The following ELAVL1 variants were observed in gnomAD, a reference collection of about 807,000 sequenced individuals.
The protein encoded by ELAVL1 is ELAV-like protein 1.
In ELAVL1, 1 loss-of-function variant was observed where a neutral mutation model predicts 28.4. That is an observed-to-expected ratio of 0.04 (90% CI 0.01 to 0.17). The LOEUF is 0.17. Ranked by LOEUF, ELAVL1 falls within the 10% of genes least tolerant of loss-of-function variation. The probability of loss-of-function intolerance (pLI) is 1.00; values close to 1 mark genes in which losing one functional copy is unlikely to be tolerated. For missense variants in ELAVL1, 157 were observed against 447.2 expected, an observed-to-expected ratio of 0.35 and a Z score of 5.85; for synonymous variants, 174 against 183.5, an observed-to-expected ratio of 0.95 and a Z score of 0.42.
At chr19:7,994,578 G>A (rs531031954) in intron 1 of ELAVL1, among the ~76,000 whole-genome samples, 1 of 152,254 alleles carries the variant, frequency 6.6e-6, no homozygotes, top group South Asian at 2.1e-4. Context: ...CTTCATCTTC[G>A]TGAACAATGA....
In ELAVL1 at chr19:7,967,546, G is replaced by A. The variant is rs759812667; in HGVS notation, c.656+19C>T. 33 of 1,611,184 alleles carry A rather than the reference G, an allele frequency of 2.0e-5. No individual in the cohort carries two copies. The highest frequency in any genetic ancestry group is 2.7e-5 in the African/African-American group (2 of 74,864). On this transcript the variant is annotated intron_variant, in intron 5 of 5. Transcript: ENST00000407627. ...GGGGCTAAGTATGGCTTTCAGGAGC[G>A]CGCACCCTCCCGACCCACCTGAATC...
intron 5 of ELAVL1, among the ~76,000 whole-genome samples, chr19:7,965,800 T>C (rs538262899): frequency 8.5e-5 from 13 of 152,260 alleles, no homozygotes; most frequent in South Asian, 8.3e-4. Flanking sequence ...ACCGCCCATA[T>C]AGCCCGCCCC....
intron 2 of ELAVL1, among the ~76,000 whole-genome samples, chr19:7,990,808 AAGAGGAGGAAGAGGGGCCATTGGG>A (rs1242234588): frequency 1.3e-5 from 2 of 152,058 alleles, no homozygotes; most frequent in Non-Finnish European, 2.9e-5. Flanking sequence ...GGGTAGAGGG[AAGAGGAGGAAGAGGGGCCATTGGG>A]AGAGGAGGAG....
chr19:7,991,081 C>T (rs1568315466), intron 2 of ELAVL1, among the ~76,000 whole-genome samples: 1 of 152,216 alleles, frequency 6.6e-6, no homozygotes, highest in African/African-American at 2.4e-5. Context: ...AGCTGCCAGG[C>T]TCCTGCCCCT....
chr19:7,974,930 C>G (rs138369251), intron 3 of ELAVL1, among the ~76,000 whole-genome samples: 2 of 152,220 alleles, frequency 1.3e-5, no homozygotes, highest in Non-Finnish European at 2.9e-5. Flanking sequence ...GCTCATAGGG[C>G]AGTGGGCGGC....
rs1042563409 is a variant in ELAVL1, at chr19:7,981,828, C to T, written c.173-642G>A. 2.6e-5 allele frequency among the ~76,000 whole-genome samples: 4 copies of T among 151,378 alleles called. No homozygotes were observed. In the East Asian group the frequency reaches 5.8e-4, roughly 22 times the overall value. ...TGGGTGGTGAGGATGAGGAAGGCCA[C>T]GGCAGTGGACAGGCTGGTGGGACCC... On this transcript the variant is annotated intron_variant, in intron 2 of 5. Transcript: ENST00000407627. The surrounding 1 kb of genome is among the most constrained non-coding windows in gnomAD (Gnocchi z 4.2).
rs955631935 is a variant in ELAVL1, at chr19:7,963,252, T to C, written c.*231A>G. On this transcript the variant is annotated 3_prime_UTR_variant, in exon 6 of 6. Coordinates refer to ENST00000407627, the MANE Select transcript of ELAVL1 (RefSeq NM_001419.3). This position sits in a 1 kb window ranked among gnomAD's most constrained non-coding sequence, Gnocchi z 4.5. ...GTTCTACTTAGATTTCTGTTTAATA[T>C]ATATCTTAAAGGAAATAACTTACGA... The C allele has an allele frequency of 1.1e-5, 6 of 543,214 alleles. No individual in the cohort carries two copies. In the Admixed American group the frequency reaches 1.7e-4, roughly 16 times the overall value. The allele number at this position is 543,214 out of a possible 1,614,324, so 33.6% of individuals were successfully genotyped here.
At chr19:7,973,948 G>A (rs2145206826) in intron 3 of ELAVL1, 70 bp from the exon 4 acceptor site, 3 of 1,570,528 alleles carry the variant, frequency 1.9e-6, no homozygotes, top group Admixed American at 1.8e-5. Flanking sequence ...GGTGTTGAAT[G>A]CTGGGTTAGG....
intron 1 of ELAVL1, among the ~76,000 whole-genome samples, chr19:8,002,657 T>C (rs2081072190): frequency 6.6e-6 from 1 of 152,226 alleles, no homozygotes; most frequent in South Asian, 2.1e-4. Context: ...GAGGGAACAG[T>C]TGATTCCGGT....
intron 3 of ELAVL1, among the ~76,000 whole-genome samples, chr19:7,980,168 A>G (rs1985416556): frequency 6.6e-6 from 1 of 152,166 alleles, no homozygotes. Flanking sequence ...CTGGCCGGGA[A>G]GCCCTTACGT....
At chr19:7,999,128 T>C (rs919962900) in intron 1 of ELAVL1, among the ~76,000 whole-genome samples, 6 of 152,200 alleles carry the variant, frequency 3.9e-5, no homozygotes, top group East Asian at 1.9e-4. Flanking sequence ...ATCCCAGCAA[T>C]GTGGGAGGCC....
chr19:7,984,434 C>G (rs1985546934), intron 2 of ELAVL1, among the ~76,000 whole-genome samples: 1 of 152,232 alleles, frequency 6.6e-6, no homozygotes, highest in Admixed American at 6.5e-5. Context: ...GTCTCCGAGG[C>G]AGAGACAATG....
rs1411362457 is a variant in ELAVL1, at chr19:7,987,114, GC to G, written c.172+4529del. 3.4e-3 allele frequency among the ~76,000 whole-genome samples: 451 copies of G among 133,136 alleles called. 5 individuals carry two copies. The highest frequency in any genetic ancestry group is 5.2e-3 in the Non-Finnish European group (315 of 60,984). 87.3% of individuals were successfully genotyped at this position (133,136 alleles called of 152,430 possible). A position where few individuals can be genotyped will look rare whatever the true frequency, so the allele number is the denominator to read the frequency against. Reference sequence around the variant, plus strand: ...CAAGAGTAGAGCCTGACCGGGGGGTGCCGGGGGGGGGGGAGGGTGCAGCAAG... The same window carrying G: ...CAAGAGTAGAGCCTGACCGGGGGGTGCGGGGGGGGGGGAGGGTGCAGCAAG... On this transcript the variant is annotated intron_variant, in intron 2 of 5. Transcript: ENST00000407627.
chr19:8,002,852 AG>A (rs1384110448), intron 1 of ELAVL1, among the ~76,000 whole-genome samples: 2 of 152,100 alleles, frequency 1.3e-5, no homozygotes, highest in African/African-American at 4.8e-5. Flanking sequence ...TAGGGTGTGA[AG>A]GAACTGGCAC....
chr19:8,001,230 TCTC>T (rs1002904847), intron 1 of ELAVL1, among the ~76,000 whole-genome samples: 8 of 152,138 alleles, frequency 5.3e-5, no homozygotes, highest in African/African-American at 1.9e-4. Flanking sequence ...CTTCATCTCC[TCTC>T]CTCCTGTCCT....
intron 3 of ELAVL1, among the ~76,000 whole-genome samples, chr19:7,974,207 G>A (rs34939237): frequency 0.06 from 8,791 of 147,418 alleles, 269 homozygotes; most frequent in Non-Finnish European, 0.074. Context: ...CAGTGAGCCG[G>A]TGCCAGAGAG....
In ELAVL1 at chr19:7,961,800, G is replaced by C. The variant is rs1278416617; in HGVS notation, c.*1683C>G. 6.6e-6 allele frequency: 1 copy of C among 152,144 alleles called. No individual in the cohort carries two copies. Among genetic ancestry groups the C allele is most frequent in the Admixed American group, 6.5e-5 (1 of 15,272 alleles). The allele number at this position is 152,144 out of a possible 1,614,324, so 9.4% of individuals were successfully genotyped here. A position where few individuals can be genotyped will look rare whatever the true frequency, so the allele number is the denominator to read the frequency against. On this transcript the variant is annotated 3_prime_UTR_variant, in exon 6 of 6. Transcript: ENST00000407627. ...CTCTCGAGACGCTGACCTGCTCTGG[G>C]GACGGTGGTGCCTGCCTATTGCTCA... is the stretch of plus-strand genomic sequence containing the variant.
rs138823708 is a variant in ELAVL1, at chr19:7,967,578, C to G, written c.643G>C (p.Ala215Pro). 67 of 1,613,782 alleles carry G rather than the reference C, an allele frequency of 4.2e-5. No homozygotes were observed. Among genetic ancestry groups the G allele is most frequent in the Non-Finnish European group, 5.3e-5 (63 of 1,179,924 alleles). Residue 215 changes from alanine (A) to proline (P), a missense_variant, in exon 5 of 6, where the codon GCG becomes CCG. Ala to Pro is a conservative substitution (Grantham distance 27, BLOSUM62 -1). Around this residue, in one of 4 missense-constraint regions of ELAVL1, gnomAD observed 107 missense variants for 310.4 expected, o/e 0.34. Transcript: ENST00000407627. ...CTCCCGACCCACCTGAATCTCTGCG[C>G]CTGGTGGTGAACGGGGCCTCCGAAC... Reference protein sequence around the residue: ...RRFGGPVHHQAQRFRFSPMGV... With the variant: ...RRFGGPVHHQPQRFRFSPMGV...
chr19:7,966,400 A>C (rs1984956988), intron 5 of ELAVL1, among the ~76,000 whole-genome samples: 1 of 152,144 alleles, frequency 6.6e-6, no homozygotes. Flanking sequence ...TCAGGATGGA[A>C]AGACTAAGGA....
Sources: gnomAD v4.1 joint callset for allele counts (sites outside exome capture counted in the v4.1 genomes callset) on GRCh38, gnomAD v4.1.1 for gene constraint, gnomAD v4.1.1 regional missense constraint, Gnocchi (gnomAD v3.1) non-coding constraint, MANE v1.5 for transcripts, NCBI Gene and HGNC (gene_info 2026-07-23, HGNC 2026-07-21) for gene names.